CCDC150: variants seen among roughly 807,000 people sequenced by gnomAD.
CCDC150 encodes the protein coiled-coil domain containing 150.
In CCDC150, 151 loss-of-function variants were observed where a neutral mutation model predicts 156.5. The ratio of observed to expected loss-of-function variants is 0.97; its 90% confidence interval spans 0.85 to 1.10. The LOEUF is 1.10. Ranked by LOEUF, CCDC150 falls within the 50% of genes least tolerant of loss-of-function variation. The probability of loss-of-function intolerance (pLI) is 0.00; values close to 1 mark genes in which losing one functional copy is unlikely to be tolerated. For synonymous variants in CCDC150, 452 were observed against 429.4 expected (o/e 1.05, Z -0.65); for missense variants, 1,312 against 1,268.1 (o/e 1.03, Z -0.53).
rs761565596 is a variant in CCDC150 at position 196,712,697 on chromosome 2, C to G, written c.1824C>G (p.Ala608=). 5 of 1,610,642 alleles carry G rather than the reference C, an allele frequency of 3.1e-6. No individual in the cohort carries two copies. The highest frequency in any genetic ancestry group is 1.7e-5 in the Admixed American group (1 of 59,548). Residue 608 remains alanine, a synonymous_variant, in exon 17 of 28, where the codon GCC becomes GCG. Coordinates refer to ENST00000389175, the MANE Select transcript of CCDC150 (RefSeq NM_001080539.2). The stretch of plus-strand genomic sequence containing the variant: ...TAAAGGCAAACTCAGAACTCAGTGC[C>G]AAGAGGGTACACCTGCAGCAGGCAG... ...KYAQANSELS[A]KRVHLQQADA...
chr2:196,681,394 A>G (rs79962439), intron 13 of CCDC150, among the ~76,000 whole-genome samples: 3,066 of 152,300 alleles, frequency 0.02, 96 homozygotes, highest in African/African-American at 0.068. Context: ...AAGAACATTT[A>G]CACTGTTTTT....
In CCDC150 at chr2:196,712,138, C is replaced by A; in HGVS notation, c.1696-7C>A. The stretch of plus-strand genomic sequence containing the variant: ...AAATTTTTTTTGTATTTTTGTTTTT[C>A]CTCTAGATAAAAGTTAAACAGCTAG... On this transcript the variant is annotated splice_polypyrimidine_tract_variant and splice_region_variant and intron_variant, in intron 15 of 27. Coordinates refer to ENST00000389175, the MANE Select transcript of CCDC150 (RefSeq NM_001080539.2). 2 of 1,401,666 alleles carry A rather than the reference C, an allele frequency of 1.4e-6. No homozygotes were observed. Among genetic ancestry groups the A allele is most frequent in the East Asian group, 2.4e-5 (1 of 40,954 alleles). The allele number at this position is 1,401,666 out of a possible 1,614,324, so 86.8% of individuals were successfully genotyped here. A position where few individuals can be genotyped will look rare whatever the true frequency, so the allele number is the denominator to read the frequency against.
Position 196,726,059 on chromosome 2 carries a change from G to C in CCDC150, c.2516G>C (p.Arg839Thr), listed in dbSNP as rs748842348. 1.1e-5 allele frequency: 18 copies of C among 1,612,988 alleles called. No individual in the cohort carries two copies. The South Asian group carries it at 2.0e-4, about 18-fold the overall frequency. Residue 839 changes from arginine (R) to threonine (T), a missense_variant, in exon 22 of 28, where the codon AGA becomes ACA. By Grantham distance (71) the Arg-to-Thr change is moderately conservative (BLOSUM62 -1). Transcript: ENST00000389175. ...EALRKQFQTE[R>T]ETTKKVAQRE... ...CTAAGAAAGCAGTTTCAAACCGAGAGAGAAACTACAAAGAAAGTGGCACAA... is the reference window on the plus strand; with the variant it reads ...CTAAGAAAGCAGTTTCAAACCGAGACAGAAACTACAAAGAAAGTGGCACAA...
At chr2:196,730,814 A>T (rs1324447991) in intron 25 of CCDC150, 45 bp from the exon 26 acceptor site, 2 of 1,425,868 alleles carry the variant, frequency 1.4e-6, no homozygotes, top group Admixed American at 4.0e-5. Flanking sequence ...TTGGTTTCTT[A>T]TGGTATGTTG....
intron 14 of CCDC150, among the ~76,000 whole-genome samples, chr2:196,700,547 T>C (rs1696137920): frequency 6.6e-6 from 1 of 152,242 alleles, no homozygotes; most frequent in Admixed American, 6.5e-5. Flanking sequence ...GTTTGAATAA[T>C]GAAAATATGT....
chr2:196,726,996 A>C (rs1205648627), intron 22 of CCDC150: 1 of 152,272 alleles, frequency 6.6e-6, no homozygotes, highest in African/African-American at 2.4e-5. Flanking sequence ...AACTGGAGGC[A>C]TGGAGGCTCG....
chr2:196,650,034 A>C (rs964958124), intron 2 of CCDC150, among the ~76,000 whole-genome samples: 7 of 152,118 alleles, frequency 4.6e-5, no homozygotes, highest in African/African-American at 1.7e-4. Flanking sequence ...ACAACAGTAC[A>C]TTGAATAGAA....
At chr2:196,719,788 T>A in intron 19 of CCDC150, 122 bp downstream of exon 19, 1 of 606,730 alleles carries the variant, frequency 1.6e-6, no homozygotes, top group Non-Finnish European at 2.6e-6. Flanking sequence ...TGCAAAATGA[T>A]ATGTTGAAAG....
intron 11 of CCDC150, 68 bp downstream of exon 11, chr2:196,676,335 C>T (rs1330653806): frequency 1.7e-5 from 26 of 1,554,972 alleles, no homozygotes; most frequent in Admixed American, 5.3e-5. Context: ...ATCATGTGTC[C>T]GTCTCAGTCT....
At chr2:196,716,931 G>GCTCA (rs938425727) in intron 17 of CCDC150, among the ~76,000 whole-genome samples, 12 of 146,698 alleles carry the variant, frequency 8.2e-5, no homozygotes, top group African/African-American at 3.0e-4. Context: ...TCTTGGCTTG[G>GCTCA]CTCACTGCAA....
In CCDC150 at chr2:196,720,558, G is replaced by C; in HGVS notation, c.2166-17G>C. The C allele has an allele frequency of 1.2e-6, 2 of 1,605,976 alleles. No individual in the cohort carries two copies. The highest frequency in any genetic ancestry group is 1.7e-6 in the Non-Finnish European group (2 of 1,173,740). ...ATTCTTTTCTGTAGTCACTCTTTTTGTGCTTTTTATTTTTAGGGATCTCAA... is the reference window on the plus strand; with the variant it reads ...ATTCTTTTCTGTAGTCACTCTTTTTCTGCTTTTTATTTTTAGGGATCTCAA... On this transcript the variant is annotated splice_polypyrimidine_tract_variant and intron_variant, in intron 19 of 27. Coordinates refer to ENST00000389175, the MANE Select transcript of CCDC150 (RefSeq NM_001080539.2).
At chr2:196,658,394 T>G (rs1169745467) in intron 4 of CCDC150, among the ~76,000 whole-genome samples, 1 of 151,998 alleles carries the variant, frequency 6.6e-6, no homozygotes, top group East Asian at 1.9e-4. Flanking sequence ...GAAAGCTGTG[T>G]TTTTCATCCT....
intron 13 of CCDC150, among the ~76,000 whole-genome samples, chr2:196,686,789 A>G (rs986923674): frequency 1.3e-5 from 2 of 152,040 alleles, no homozygotes; most frequent in Non-Finnish European, 2.9e-5. Context: ...TGACACACCC[A>G]GTACTTGTTG....
rs1332632520 is a variant in CCDC150 at position 196,656,806 on chromosome 2, A to C, written c.350A>C (p.Asn117Thr). ...AGCCTCATGCAGTCCTTGAAGATGA[A>C]CATCTTTCGGCTGCAAACTGAAAAG... The part of the protein sequence containing the change: ...LESLMQSLKM[N>T]IFRLQTEKDL... The change falls in exon 3 of 28, where the codon AAC becomes ACC. Residue 117 changes from asparagine to threonine, a missense_variant. Transcript: ENST00000389175. The C allele has an allele frequency of 6.2e-7, 1 of 1,613,780 alleles. No homozygotes were observed. Among genetic ancestry groups the C allele is most frequent in the Non-Finnish European group, 8.5e-7 (1 of 1,179,846 alleles).
intron 1 of CCDC150, 49 bp downstream of exon 1, chr2:196,639,827 A>G (rs1007229369): frequency 1.3e-6 from 2 of 1,538,498 alleles, no homozygotes; most frequent in African/African-American, 1.4e-5. Context: ...GAGGCTCGCG[A>G]GGCTTCGGCT....
intron 15 of CCDC150, among the ~76,000 whole-genome samples, chr2:196,706,282 A>G (rs545972765): frequency 6.8e-4 from 103 of 152,200 alleles, no homozygotes; most frequent in Non-Finnish European, 1.2e-3. Flanking sequence ...CTTTGAAGCA[A>G]TTGTGAATGG....
In CCDC150 at chr2:196,676,671, G is replaced by T. The variant is rs200402640; in HGVS notation, c.1380G>T (p.Leu460Phe). 4 of 1,613,786 alleles carry T rather than the reference G, an allele frequency of 2.5e-6. No homozygotes were observed. The highest frequency in any genetic ancestry group is 2.5e-6 in the Non-Finnish European group (3 of 1,179,752). ...ESTIARLRGE[L>F]EASMQEKKSL... Reference sequence around the variant, plus strand: ...CTATTGCAAGATTGCGAGGTGAATTGGAAGCATCAATGCAAGAGAAGAAGT... The same window carrying T: ...CTATTGCAAGATTGCGAGGTGAATTTGAAGCATCAATGCAAGAGAAGAAGT... Residue 460 changes from leucine to phenylalanine, a missense_variant, in exon 12 of 28, where the codon TTG becomes TTT. Leu to Phe is a conservative substitution (Grantham distance 22). Coordinates refer to ENST00000389175, the MANE Select transcript of CCDC150 (RefSeq NM_001080539.2).
chr2:196,652,787 A>C (rs1692962271), intron 2 of CCDC150, among the ~76,000 whole-genome samples: 1 of 152,244 alleles, frequency 6.6e-6, no homozygotes, highest in Non-Finnish European at 1.5e-5. Context: ...GAGCTTCTGC[A>C]TGGGTACCCA....
chr2:196,696,407 T>C (rs1420752234), intron 14 of CCDC150, among the ~76,000 whole-genome samples: 6 of 152,214 alleles, frequency 3.9e-5, no homozygotes, highest in Non-Finnish European at 8.8e-5. Flanking sequence ...TTCAGCCATG[T>C]CCTTTGCTGG....
Sources: allele counts gnomAD v4.1 joint callset (sites outside exome capture counted in the v4.1 genomes callset), GRCh38; gene constraint gnomAD v4.1.1; transcripts MANE v1.5; gene names NCBI Gene and HGNC (gene_info 2026-07-23, HGNC 2026-07-21).